Variants in RUNX2 observed in about 807,000 individuals in gnomAD.
RUNX2 encodes runt-related transcription factor 2.
In RUNX2, 10 loss-of-function variants were observed where a neutral mutation model predicts 51.7. The observed-to-expected ratio is 0.19, with a 90% CI of 0.12 to 0.33. The LOEUF (loss-of-function observed/expected upper bound fraction) is 0.33, where lower values mean the gene tolerates loss of function less well. RUNX2 is among the 10% of genes least tolerant of loss of function. The probability of loss-of-function intolerance (pLI) is 1.00; values close to 1 mark genes in which losing one functional copy is unlikely to be tolerated. For synonymous variants in RUNX2, 276 were observed against 273.6 expected, an observed-to-expected ratio of 1.01 and a Z score of -0.09; for missense variants, 562 against 691.3, an observed-to-expected ratio of 0.81 and a Z score of 2.10.
intron 2 of RUNX2, among the ~76,000 whole-genome samples, chr6:45,406,952 T>G (rs1182220040): frequency 6.6e-6 from 1 of 152,184 alleles, no homozygotes; most frequent in African/African-American, 2.4e-5. Flanking sequence ...AATATAATAT[T>G]GTTGGGTATA....
At chr6:45,416,811 G>A (rs139911115) in intron 2 of RUNX2, among the ~76,000 whole-genome samples, 203 of 152,266 alleles carry the variant, frequency 1.3e-3, no homozygotes, top group African/African-American at 4.5e-3. Flanking sequence ...TTACACAGAT[G>A]CTCCATGAAT....
At chr6:45,512,173 T>G in intron 6 of RUNX2, 73 bp from the exon 7 acceptor site, 2 of 1,487,098 alleles carry the variant, frequency 1.3e-6, no homozygotes, top group Non-Finnish European at 9.3e-7. Context: ...TTTTCCTTTC[T>G]GAGTTTTGGG....
chr6:45,505,068 C>T (rs1381443510), intron 6 of RUNX2, among the ~76,000 whole-genome samples: 1 of 152,182 alleles, frequency 6.6e-6, no homozygotes, highest in Non-Finnish European at 1.5e-5. Context: ...TATGCGGGTT[C>T]AGGCTTTGCT....
At chr6:45,378,509 A>C (rs1797118050) in intron 2 of RUNX2, among the ~76,000 whole-genome samples, 1 of 152,078 alleles carries the variant, frequency 6.6e-6, no homozygotes, top group Non-Finnish European at 1.5e-5. Flanking sequence ...ACCAGCTCTT[A>C]CGCCGCTTCC....
At chr6:45,360,412 A>G (rs927337494) in intron 2 of RUNX2, among the ~76,000 whole-genome samples, 1 of 152,148 alleles carries the variant, frequency 6.6e-6, no homozygotes, top group Non-Finnish European at 1.5e-5. Flanking sequence ...CGTACTTTTT[A>G]CCTTCAGGGT....
At chr6:45,513,190 G>A (rs1478693011) in intron 7 of RUNX2, among the ~76,000 whole-genome samples, 3 of 152,070 alleles carry the variant, frequency 2.0e-5, no homozygotes, top group African/African-American at 7.2e-5. Flanking sequence ...AAAGTTAAAG[G>A]CCCTTAGCTG....
chr6:45,500,715 A>G (rs566227325), intron 6 of RUNX2, among the ~76,000 whole-genome samples: 1 of 152,214 alleles, frequency 6.6e-6, no homozygotes, highest in Non-Finnish European at 1.5e-5. Context: ...ACCCAGCTGA[A>G]GGTAGAGGTC....
intron 5 of RUNX2, among the ~76,000 whole-genome samples, chr6:45,471,586 A>C (rs965446800): frequency 2.6e-5 from 4 of 151,498 alleles, no homozygotes; most frequent in African/African-American, 9.7e-5. Context: ...CTGGGACTAC[A>C]GGCGCCCACC....
chr6:45,519,455 T>A (rs149703540), intron 7 of RUNX2, among the ~76,000 whole-genome samples: 186 of 152,298 alleles, frequency 1.2e-3, no homozygotes, highest in African/African-American at 4.2e-3. Context: ...ATGGGTTTTA[T>A]CATAATGCCA....
chr6:45,408,734 G>A (rs1797889716), intron 2 of RUNX2, among the ~76,000 whole-genome samples: 4 of 151,994 alleles, frequency 2.6e-5, no homozygotes, highest in Admixed American at 2.0e-4. Context: ...TCCCCTGATG[G>A]TGTGGTTACA....
intron 7 of RUNX2, among the ~76,000 whole-genome samples, chr6:45,530,276 G>T (rs1458310093): frequency 6.6e-6 from 1 of 152,192 alleles, no homozygotes; most frequent in Non-Finnish European, 1.5e-5. Context: ...TGTCTAGTTA[G>T]AAGTTTGAAA....
At chr6:45,368,058 A>G (rs1226068515) in intron 2 of RUNX2, among the ~76,000 whole-genome samples, 2 of 151,802 alleles carry the variant, frequency 1.3e-5, no homozygotes, top group Non-Finnish European at 2.9e-5. Flanking sequence ...TGTTAAAAGC[A>G]GAAGCACTCA....
chr6:45,466,749 A>G (rs1157392663), intron 5 of RUNX2, among the ~76,000 whole-genome samples: 1 of 152,212 alleles, frequency 6.6e-6, no homozygotes, highest in Non-Finnish European at 1.5e-5. Context: ...TTTGTTAGGA[A>G]TGCTTCATTT....
intron 7 of RUNX2, among the ~76,000 whole-genome samples, chr6:45,523,282 T>G (rs1801563807): frequency 6.6e-6 from 1 of 152,160 alleles, no homozygotes; most frequent in Non-Finnish European, 1.5e-5. Flanking sequence ...TATTAATTTT[T>G]TGAGACAGAG....
intron 2 of RUNX2, among the ~76,000 whole-genome samples, chr6:45,339,393 T>C (rs1321202148): frequency 6.6e-6 from 1 of 152,166 alleles, no homozygotes; most frequent in Non-Finnish European, 1.5e-5. Flanking sequence ...TTAATACTCC[T>C]AGAAATAAGC....
At chr6:45,544,474 C>A (rs1802328777) in intron 7 of RUNX2, among the ~76,000 whole-genome samples, 1 of 152,106 alleles carries the variant, frequency 6.6e-6, no homozygotes, top group East Asian at 1.9e-4. Context: ...TAAGTGAAAC[C>A]ATACGGAATT....
intron 5 of RUNX2, among the ~76,000 whole-genome samples, chr6:45,487,881 G>A (rs944658385): frequency 1.3e-5 from 2 of 152,134 alleles, no homozygotes; most frequent in African/African-American, 4.8e-5. Flanking sequence ...ATAGATTGTG[G>A]TGACTGCCAT....
intron 2 of RUNX2, among the ~76,000 whole-genome samples, chr6:45,371,047 C>T (rs1030363191): frequency 4.6e-5 from 7 of 152,172 alleles, no homozygotes; most frequent in Admixed American, 4.6e-4. Flanking sequence ...GTTGTTCTTA[C>T]ACAAACTTAA....
At chr6:45,419,716 C>T (rs1039500567) in intron 2 of RUNX2, among the ~76,000 whole-genome samples, 14 of 152,192 alleles carry the variant, frequency 9.2e-5, no homozygotes, top group Non-Finnish European at 1.5e-4. Flanking sequence ...AAAAATCGCA[C>T]GCGCAGGAGC....
Sources: allele counts gnomAD v4.1 joint callset (sites outside exome capture counted in the v4.1 genomes callset), GRCh38; gene constraint gnomAD v4.1.1; transcripts MANE v1.5; gene names NCBI Gene and HGNC (gene_info 2026-07-23, HGNC 2026-07-21).